Variants in RP1L1 observed in about 807,000 individuals in gnomAD.
RP1L1 encodes the protein RP1 like 1, also known as retinitis pigmentosa 1-like 1 protein.
A neutral mutation model predicts 15.7 loss-of-function variants in RP1L1; 27 were observed. That is an observed-to-expected ratio of 1.72 (90% CI 1.27 to 2.38). The LOEUF (loss-of-function observed/expected upper bound fraction) is 2.38. Ranked by LOEUF, RP1L1 falls within the 30% of genes most tolerant of loss-of-function variation. The pLI is 0.00. For missense variants in RP1L1, 4,798 were observed against 3,075.9 expected (o/e 1.56, Z -13.24); for synonymous variants, 1,813 against 1,276.7 (o/e 1.42, Z -8.96).
intron 1 of RP1L1, among the ~76,000 whole-genome samples, chr8:10,646,949 C>T (rs1798488110): frequency 6.6e-6 from 1 of 152,234 alleles, no homozygotes. Flanking sequence ...TTGTCAGCTT[C>T]CTTGGGGGTC....
At chr8:10,616,303 A>C (rs1797963649) in intron 3 of RP1L1, 143 bp downstream of exon 3, 1 of 1,065,386 alleles carries the variant, frequency 9.4e-7, no homozygotes, top group African/African-American at 1.6e-5. Context: ...AGGAAGAGGC[A>C]AGAGAGATCC....
chr8:10,612,826 C>A lies in RP1L1; in HGVS notation c.1272G>T (p.Lys424Asn). 1 of 1,612,316 alleles carries A rather than the reference C, an allele frequency of 6.2e-7. No individual in the cohort carries two copies. The highest frequency in any genetic ancestry group is 8.5e-7 in the Non-Finnish European group (1 of 1,179,862). The change falls in exon 4 of 4, where the codon AAG becomes AAT. Residue 424 changes from lysine to asparagine, a missense_variant. Coordinates refer to ENST00000382483, the MANE Select transcript of RP1L1 (RefSeq NM_178857.6). ...ASQGERVAAR[K>N]RWGLAQHVRC... ...GGACGTGCTGGGCCAGTCCCCACCT[C>A]TTCCGAGCTGCCACTCTCTCTCCCT...
chr8:10,654,224 TA>T (rs990569480), intron 1 of RP1L1, among the ~76,000 whole-genome samples: 8 of 152,114 alleles, frequency 5.3e-5, no homozygotes, highest in Admixed American at 2.0e-4. Context: ...GTCATTACCA[TA>T]AAGAGAGCAG....
Position 10,623,195 on chromosome 8 carries a change from T to C in RP1L1, c.7A>G (p.Ser3Gly). The C allele has an allele frequency of 6.4e-7, 1 of 1,557,204 alleles. No homozygotes were observed. Among genetic ancestry groups the C allele is most frequent in the Non-Finnish European group, 8.7e-7 (1 of 1,151,472 alleles). ...GGGGCCTGGGCATTCCTGGGGGTGC[T>C]GTTCATGGTGTGGGGGCTCTGGCCG... is the stretch of plus-strand genomic sequence containing the variant. MN[S>G]TPRNAQAPSH... Residue 3 changes from serine to glycine, a missense_variant, in exon 2 of 4, where the codon AGC becomes GGC. Physicochemically the swap from Ser to Gly is moderately conservative, Grantham distance 56. Coordinates refer to ENST00000382483, the MANE Select transcript of RP1L1 (RefSeq NM_178857.6).
At chr8:10,653,461 C>A (rs1009158634) in intron 1 of RP1L1, among the ~76,000 whole-genome samples, 4 of 147,872 alleles carry the variant, frequency 2.7e-5, no homozygotes, top group African/African-American at 1.0e-4. Flanking sequence ...CTCCCTCCAA[C>A]ACACACACAC....
At chr8:10,653,798 C>T (rs1290300300) in intron 1 of RP1L1, among the ~76,000 whole-genome samples, 1 of 152,278 alleles carries the variant, frequency 6.6e-6, no homozygotes, top group Admixed American at 6.5e-5. Flanking sequence ...TTTATATAAC[C>T]GAGAGGGTAA....
At chr8:10,628,971 G>T (rs779298429) in intron 1 of RP1L1, among the ~76,000 whole-genome samples, 2 of 152,244 alleles carry the variant, frequency 1.3e-5, no homozygotes, top group African/African-American at 2.4e-5. Flanking sequence ...GTGCAGCCTC[G>T]TCAGAGCTCC....
chr8:10,641,831 G>A (rs1185993802), intron 1 of RP1L1, among the ~76,000 whole-genome samples: 1 of 152,168 alleles, frequency 6.6e-6, no homozygotes, highest in East Asian at 1.9e-4. Flanking sequence ...GCATTGAAAA[G>A]GAATGAACTA....
chr8:10,619,284 G>T (rs750000028), intron 2 of RP1L1, among the ~76,000 whole-genome samples: 1 of 152,246 alleles, frequency 6.6e-6, no homozygotes. Flanking sequence ...GGCATGGAAC[G>T]TGGCAGCGAA....
At chr8:10,632,640 G>A (rs191426917) in intron 1 of RP1L1, among the ~76,000 whole-genome samples, 26 of 152,338 alleles carry the variant, frequency 1.7e-4, no homozygotes, top group Admixed American at 1.4e-3. Context: ...GGATGAGGCC[G>A]CTGACTTTGG....
rs1430886597 is a variant in RP1L1 at position 10,612,215 on chromosome 8, G to T, written c.1883C>A (p.Pro628His). Residue 628 changes from proline to histidine, a missense_variant, in exon 4 of 4, where the codon CCT becomes CAT. Physicochemically the swap from Pro to His is moderately conservative, Grantham distance 77. Coordinates refer to ENST00000382483, the MANE Select transcript of RP1L1 (RefSeq NM_178857.6). ...CTGCTGGGATGAAGTGCAGGTGGAA[G>T]GGGTGGAAGAGGCTCCTTCCGAGTC... ...SWDSEGASSTPSTCTSSQQGQ... is the reference protein window; with the variant it reads ...SWDSEGASSTHSTCTSSQQGQ... 36 of 1,613,218 alleles carry T rather than the reference G, an allele frequency of 2.2e-5. 1 individual carries two copies. In the East Asian group the frequency reaches 6.9e-4, roughly 31 times the overall value.
At chr8:10,625,238 G>C (rs968059115) in intron 1 of RP1L1, among the ~76,000 whole-genome samples, 5 of 152,184 alleles carry the variant, frequency 3.3e-5, no homozygotes, top group Admixed American at 2.6e-4. Flanking sequence ...CGCGCCCAGA[G>C]AGAGAACACC....
At chr8:10,613,788 A>G (rs1420344429) in intron 3 of RP1L1, among the ~76,000 whole-genome samples, 1 of 151,860 alleles carries the variant, frequency 6.6e-6, no homozygotes, top group Admixed American at 6.6e-5. Flanking sequence ...AGACCATTAA[A>G]AAAAGAAAAG....
chr8:10,646,188 G>A (rs758881790), intron 1 of RP1L1, among the ~76,000 whole-genome samples: 2 of 152,226 alleles, frequency 1.3e-5, no homozygotes, highest in Non-Finnish European at 2.9e-5. Context: ...CTGCTGTGCC[G>A]AGGACCTGGC....
In RP1L1 at chr8:10,630,520, A is replaced by T. The variant is rs77075177; in HGVS notation, c.-19-7300T>A. ...CAAGGACAGGTTGAAAGAAAATGTC[A>T]AGACAAATTCTGCAGAGTGGAGGGT... On this transcript the variant is annotated intron_variant, in intron 1 of 3. Coordinates refer to ENST00000382483, the MANE Select transcript of RP1L1 (RefSeq NM_178857.6). Among the ~76,000 whole-genome samples the T allele has an allele frequency of 9.1e-4, 138 of 152,322 alleles. 3 individuals are homozygous for T. In the East Asian group the frequency reaches 0.023, roughly 25 times the overall value.
At chr8:10,618,256 T>G (rs1268860503) in intron 2 of RP1L1, among the ~76,000 whole-genome samples, 1 of 152,128 alleles carries the variant, frequency 6.6e-6, no homozygotes, top group Non-Finnish European at 1.5e-5. Flanking sequence ...TCTCAGCACT[T>G]TGGGGGGCCG....
In RP1L1 at chr8:10,610,425, T is replaced by A. The variant is rs1451037086; in HGVS notation, c.3673A>T (p.Thr1225Ser). ...VPCAMDGTLV[T>S]QGTELPLKTS... ...TTCAGGGGCAGCTCTGTCCCCTGTG[T>A]CACCAGGGTGCCGTCCATGGCACAG... The change falls in exon 4 of 4, where the codon ACA becomes TCA. Residue 1225 changes from threonine (T) to serine (S), a missense_variant. Thr to Ser is a moderately conservative substitution (Grantham distance 58, BLOSUM62 1). Coordinates refer to ENST00000382483, the MANE Select transcript of RP1L1 (RefSeq NM_178857.6). 2 of 1,613,776 alleles carry A rather than the reference T, an allele frequency of 1.2e-6. No individual in the cohort carries two copies. The highest frequency in any genetic ancestry group is 1.3e-5 in the African/African-American group (1 of 74,912).
In RP1L1 at chr8:10,622,641, A is replaced by G; in HGVS notation, c.561T>C (p.Asp187=). The change falls in exon 2 of 4, where the codon GAT becomes GAC. Residue 187 remains aspartate, a synonymous_variant. Transcript: ENST00000382483. ...NLAAFLGKAS[D]LLRFPVKQLY... ...ACTGCTTCACAGGAAAGCGCAGGAG[A>G]TCTGAGGCTTTGCCGAGAAAGGCGG... The G allele has an allele frequency of 6.2e-7, 1 of 1,614,134 alleles. No homozygotes were observed. The highest frequency in any genetic ancestry group is 8.5e-7 in the Non-Finnish European group (1 of 1,180,020).
At chr8:10,653,398 C>T (rs1169596062) in intron 1 of RP1L1, among the ~76,000 whole-genome samples, 1 of 151,940 alleles carries the variant, frequency 6.6e-6, no homozygotes, top group African/African-American at 2.4e-5. Flanking sequence ...TTGCCAGCCA[C>T]AGTCTACACT....
Sources: gnomAD v4.1 joint callset for allele counts (sites outside exome capture counted in the v4.1 genomes callset) on GRCh38, gnomAD v4.1.1 for gene constraint, MANE v1.5 for transcripts, NCBI Gene and HGNC (gene_info 2026-07-23, HGNC 2026-07-21) for gene names.